MAGI1: variants seen among roughly 807,000 people sequenced by gnomAD.
MAGI1 encodes the protein membrane-associated guanylate kinase, WW and PDZ domain-containing protein 1.
A neutral mutation model predicts 139.9 loss-of-function variants in MAGI1; 58 were observed. The ratio of observed to expected loss-of-function variants is 0.41; its 90% CI spans 0.34 to 0.52. The LOEUF (loss-of-function observed/expected upper bound fraction) is 0.52. MAGI1 is among the 20% of genes least tolerant of loss of function. The pLI, the probability that MAGI1 is intolerant of heterozygous loss-of-function variation, is 0.12. For synonymous variants in MAGI1, 812 were observed against 737.9 expected, an observed-to-expected ratio of 1.10 and a Z score of -1.63; for missense variants, 1,874 against 1,901.6, an observed-to-expected ratio of 0.99 and a Z score of 0.27.
At chr3:65,878,681 T>C (rs576326005) in intron 1 of MAGI1, among the ~76,000 whole-genome samples, 1 of 152,274 alleles carries the variant, frequency 6.6e-6, no homozygotes, top group South Asian at 2.1e-4. Context: ...AAAATGGATA[T>C]GTTTCCCACC....
At chr3:65,880,867 C>T (rs1352109490) in intron 1 of MAGI1, among the ~76,000 whole-genome samples, 2 of 146,968 alleles carry the variant, frequency 1.4e-5, no homozygotes, top group Non-Finnish European at 3.0e-5. Flanking sequence ...TCATCACTTT[C>T]GTCCTCTTCC....
chr3:65,873,652 C>A (rs2060013377), intron 1 of MAGI1: 1 of 152,086 alleles, frequency 6.6e-6, no homozygotes, highest in African/African-American at 2.4e-5. Context: ...TGTGTAGAGA[C>A]TGGACAGTAA....
At position 65,446,729 on chromosome 3, in the gene MAGI1, CA is replaced by C. The variant is rs781723034; in HGVS notation, c.1078+1292del. 5.9e-5 allele frequency among the ~76,000 whole-genome samples: 9 copies of C among 152,294 alleles called. No individual in the cohort carries two copies. In the South Asian group the frequency reaches 1.7e-3, roughly 28 times the overall value. On this transcript the variant is annotated intron_variant, in intron 7 of 22. Coordinates refer to ENST00000402939, the MANE Select transcript of MAGI1 (RefSeq NM_001033057.2). Reference sequence around the variant, plus strand: ...ACTTTATCTAATATCATTGGATTGACAAATTCTTTTTTTGATCAAATTAGTT... The same window carrying C: ...ACTTTATCTAATATCATTGGATTGACAATTCTTTTTTTGATCAAATTAGTT...
At chr3:65,616,699 T>C (rs991020882) in intron 2 of MAGI1, among the ~76,000 whole-genome samples, 8 of 152,210 alleles carry the variant, frequency 5.3e-5, no homozygotes, top group Admixed American at 4.6e-4. Context: ...CCTTTATCTC[T>C]TTATCTGATC....
chr3:65,740,559 A>C (rs959024381), intron 1 of MAGI1, among the ~76,000 whole-genome samples: 82 of 152,154 alleles, frequency 5.4e-4, no homozygotes, highest in Admixed American at 7.8e-4. Flanking sequence ...AGGGCCACAC[A>C]TTATTTTCAC....
intron 2 of MAGI1, among the ~76,000 whole-genome samples, chr3:65,590,156 G>C (rs1236371502): frequency 1.3e-5 from 2 of 151,994 alleles, no homozygotes; most frequent in African/African-American, 4.8e-5. Flanking sequence ...CTGAATTCTA[G>C]ACAAAGTCAG....
At chr3:65,621,402 T>G (rs1362387457) in intron 2 of MAGI1, among the ~76,000 whole-genome samples, 1 of 152,164 alleles carries the variant, frequency 6.6e-6, no homozygotes, top group Non-Finnish European at 1.5e-5. Flanking sequence ...ATCTAATGGT[T>G]TGGGGGTTTG....
At chr3:65,459,218 T>C (rs1159927215) in intron 5 of MAGI1, among the ~76,000 whole-genome samples, 1 of 152,220 alleles carries the variant, frequency 6.6e-6, no homozygotes, top group Non-Finnish European at 1.5e-5. Flanking sequence ...GTACTATTAT[T>C]TGAAGTCAGG....
Position 65,430,857 on chromosome 3 carries a change from G to C in MAGI1, c.1388C>G (p.Pro463Arg). The C allele has an allele frequency of 6.2e-7, 1 of 1,613,412 alleles. No individual in the cohort carries two copies. The highest frequency in any genetic ancestry group is 8.5e-7 in the Non-Finnish European group (1 of 1,179,698). Reference sequence around the variant, plus strand: ...AATGAACTTGCCTTTCAACTCAGAAGGGTTTCGTGTAAAAAAGGGTTTGCC... The same window carrying C: ...AATGAACTTGCCTTTCAACTCAGAACGGTTTCGTGTAAAAAAGGGTTTGCC... ...LQGKPFFTRNPSELKGKFIHT... is the reference protein window; with the variant it reads ...LQGKPFFTRNRSELKGKFIHT... The change falls in exon 11 of 23, where the codon CCT (proline) becomes CGT (arginine). Residue 463 changes from proline (P) to arginine (R), a missense_variant. Coordinates refer to ENST00000402939, the MANE Select transcript of MAGI1 (RefSeq NM_001033057.2).
chr3:65,554,348 G>C, intron 2 of MAGI1, among the ~76,000 whole-genome samples: 1 of 152,284 alleles, frequency 6.6e-6, no homozygotes, highest in Non-Finnish European at 1.5e-5. Flanking sequence ...TCTGACAAAA[G>C]ATGACAAGAG....
intron 2 of MAGI1, among the ~76,000 whole-genome samples, chr3:65,582,490 C>T (rs895619629): frequency 2.0e-5 from 3 of 152,142 alleles, no homozygotes; most frequent in African/African-American, 4.8e-5. Flanking sequence ...GCTGCATAAG[C>T]GCTTTACTTC....
At chr3:65,738,703 C>T (rs79540382) in intron 1 of MAGI1, among the ~76,000 whole-genome samples, 18 of 152,326 alleles carry the variant, frequency 1.2e-4, no homozygotes, top group East Asian at 7.7e-4. Context: ...ATGTACATCT[C>T]CATCAGAGCT....
intron 2 of MAGI1, among the ~76,000 whole-genome samples, chr3:65,585,707 C>A (rs547188547): frequency 6.6e-6 from 1 of 152,128 alleles, no homozygotes; most frequent in African/African-American, 2.4e-5. Flanking sequence ...GACACAAATA[C>A]CTATCTAATA....
intron 12 of MAGI1, 177 bp from the exon 13 acceptor site, chr3:65,401,647 G>C (rs756044219): frequency 1.2e-5 from 18 of 1,548,920 alleles, no homozygotes; most frequent in Non-Finnish European, 1.5e-5. Flanking sequence ...TCAAAGCAGA[G>C]GGAGGAGGAG....
intron 1 of MAGI1, among the ~76,000 whole-genome samples, chr3:65,970,934 G>A (rs1037683354): frequency 6.6e-6 from 1 of 152,232 alleles, no homozygotes; most frequent in African/African-American, 2.4e-5. Context: ...GCTGGGCACG[G>A]TGGCTCATGC....
In MAGI1 at chr3:65,652,094, A is replaced by G. The variant is rs367832598; in HGVS notation, c.314-30006T>C. ...ATCCAAAATGAAAACCAAATGAGAA[A>G]TGGTTAAAATGAGTTTTATTATCGT... On this transcript the variant is annotated intron_variant, in intron 1 of 22. Transcript: ENST00000402939. 4.6e-5 allele frequency among the ~76,000 whole-genome samples: 7 copies of G among 152,296 alleles called. No individual in the cohort carries two copies. In the South Asian group the frequency reaches 1.5e-3, roughly 32 times the overall value.
At position 65,503,673 on chromosome 3, in the gene MAGI1, G is replaced by A. The variant is rs114855943; in HGVS notation, c.431-10042C>T. ...TGTGTGATGAAGGTATTGGAATCTC[G>A]TTTTAAAAACCACACCTACAATACT... On this transcript the variant is annotated intron_variant, in intron 2 of 22. Coordinates refer to ENST00000402939, the MANE Select transcript of MAGI1 (RefSeq NM_001033057.2). 6.0e-4 allele frequency among the ~76,000 whole-genome samples: 92 copies of A among 152,292 alleles called. No homozygotes were observed. The Middle Eastern group carries it at 0.01, about 17-fold the overall frequency.
chr3:65,680,019 G>C (rs2087470276), intron 1 of MAGI1, among the ~76,000 whole-genome samples: 2 of 152,258 alleles, frequency 1.3e-5, no homozygotes, highest in South Asian at 4.2e-4. Flanking sequence ...CTTGCTTAGA[G>C]GGTAGAAAGA....
intron 1 of MAGI1, among the ~76,000 whole-genome samples, chr3:65,867,051 T>G (rs1018719566): frequency 6.6e-6 from 1 of 152,206 alleles, no homozygotes; most frequent in South Asian, 2.1e-4. Flanking sequence ...TCCATGAGCA[T>G]GCCCTTGGGG....
Sources: allele counts gnomAD v4.1 joint callset (sites outside exome capture counted in the v4.1 genomes callset), GRCh38; gene constraint gnomAD v4.1.1; transcripts MANE v1.5; gene names NCBI Gene and HGNC (gene_info 2026-07-23, HGNC 2026-07-21).